PARD3: variants seen among roughly 807,000 people sequenced by gnomAD.
PARD3 encodes partitioning defective 3 homolog.
In PARD3, 75 loss-of-function variants were observed where a neutral mutation model predicts 155.4. The ratio of observed to expected loss-of-function variants is 0.48; its 90% CI spans 0.40 to 0.58. The LOEUF (loss-of-function observed/expected upper bound fraction) is 0.58, where lower values mean the gene tolerates loss of function less well. PARD3 is among the 20% of genes least tolerant of loss of function. The pLI, the probability that PARD3 is intolerant of heterozygous loss-of-function variation, is 0.00. For synonymous variants in PARD3, 576 were observed against 610.5 expected, an observed-to-expected ratio of 0.94 and a Z score of 0.83; for missense variants, 1,642 against 1,721.7, an observed-to-expected ratio of 0.95 and a Z score of 0.82.
intron 19 of PARD3, among the ~76,000 whole-genome samples, chr10:34,326,990 A>C (rs1320930788): frequency 6.6e-6 from 1 of 152,264 alleles, no homozygotes; most frequent in East Asian, 1.9e-4. Context: ...CTTAACAAAA[A>C]GCTGTTACAA....
At chr10:34,177,819 GT>G (rs1226035897) in intron 22 of PARD3, among the ~76,000 whole-genome samples, 1 of 152,230 alleles carries the variant, frequency 6.6e-6, no homozygotes, top group Non-Finnish European at 1.5e-5. Context: ...ACACCAGAAA[GT>G]GGGGGTCCTC....
chr10:34,808,211 G>A (rs939787768), intron 1 of PARD3, among the ~76,000 whole-genome samples: 1 of 152,114 alleles, frequency 6.6e-6, no homozygotes, highest in African/African-American at 2.4e-5. Context: ...CTACTTGGGG[G>A]ACTGAGGCAG....
chr10:34,157,269 G>A (rs1193672939), intron 22 of PARD3, among the ~76,000 whole-genome samples: 1 of 152,180 alleles, frequency 6.6e-6, no homozygotes, highest in Non-Finnish European at 1.5e-5. Context: ...ACACATCTGA[G>A]TGCCCTCTGT....
chr10:34,516,996 G>T lies in PARD3; in HGVS notation c.386C>A (p.Pro129His), dbSNP rs758300118. 6.2e-7 allele frequency: 1 copy of T among 1,614,136 alleles called. No homozygotes were observed. The change falls in exon 3 of 25, where the codon CCT becomes CAT. Residue 129 changes from proline to histidine, a missense_variant. Around this residue, in one of 3 missense-constraint regions of PARD3, gnomAD observed 1,529 missense variants for 1,587.3 expected, o/e 0.96. Coordinates refer to ENST00000374788, the MANE Select transcript of PARD3 (RefSeq NM_001184785.2). ...TCACTTACTTGCTCGAAGGACTGAA[G>T]GTGTGACCTCAATTTCACTTGTTGC... ...YQATSEIEVT[P>H]SVLRANMPLH... is the part of the protein sequence containing the mutation.
intron 2 of PARD3, among the ~76,000 whole-genome samples, chr10:34,690,208 G>A (rs1019091606): frequency 6.6e-6 from 1 of 152,080 alleles, no homozygotes. Flanking sequence ...CCTCCCAAAG[G>A]GCTGAGATTA....
chr10:34,448,918 C>CT (rs751029992), intron 5 of PARD3, among the ~76,000 whole-genome samples: 17,208 of 133,736 alleles, frequency 0.13, 3,872 homozygotes, highest in African/African-American at 0.46. Context: ...GATAAATTAT[C>CT]TTTTTTTTTT....
At chr10:34,434,004 G>A (rs1225377322) in intron 5 of PARD3, among the ~76,000 whole-genome samples, 2 of 152,176 alleles carry the variant, frequency 1.3e-5, no homozygotes, top group African/African-American at 4.8e-5. Flanking sequence ...GAAAGTGCAA[G>A]GATGGGAAAG....
intron 4 of PARD3, among the ~76,000 whole-genome samples, chr10:34,454,251 C>A (rs1372254227): frequency 6.6e-6 from 1 of 152,064 alleles, no homozygotes; most frequent in Non-Finnish European, 1.5e-5. Context: ...GTATCAAGTG[C>A]ATACAAGGAC....
At chr10:34,414,828 TA>T (rs34139593) in intron 5 of PARD3, among the ~76,000 whole-genome samples, 39,198 of 151,182 alleles carry the variant, frequency 0.26, 5,838 homozygotes, top group East Asian at 0.44. Context: ...AGAAAACAAA[TA>T]AAAAAAATTA....
intron 9 of PARD3, among the ~76,000 whole-genome samples, chr10:34,378,607 A>G (rs75168315): frequency 0.016 from 2,440 of 152,310 alleles, 66 homozygotes; most frequent in African/African-American, 0.056. Flanking sequence ...GGAACCTCCC[A>G]AAATCATAAT....
intron 20 of PARD3, among the ~76,000 whole-genome samples, chr10:34,313,634 A>G (rs1382338392): frequency 6.6e-6 from 1 of 152,146 alleles, no homozygotes; most frequent in Non-Finnish European, 1.5e-5. Context: ...ATATCTACTC[A>G]AGGTACCATC....
chr10:34,671,822 G>A (rs1483594693), intron 2 of PARD3, among the ~76,000 whole-genome samples: 1 of 151,938 alleles, frequency 6.6e-6, no homozygotes, highest in Non-Finnish European at 1.5e-5. Flanking sequence ...AAAAGAAGTA[G>A]GTCATGAATT....
At chr10:34,782,314 C>T (rs935560267) in intron 1 of PARD3, among the ~76,000 whole-genome samples, 1 of 152,158 alleles carries the variant, frequency 6.6e-6, no homozygotes, top group African/African-American at 2.4e-5. Flanking sequence ...CCAGCCTCCT[C>T]CACTGGGCGC....
At chr10:34,174,447 G>T (rs2133144161) in intron 22 of PARD3, among the ~76,000 whole-genome samples, 1 of 152,288 alleles carries the variant, frequency 6.6e-6, no homozygotes, top group South Asian at 2.1e-4. Context: ...CTACAGAAAA[G>T]AAATGCTTGT....
intron 22 of PARD3, among the ~76,000 whole-genome samples, chr10:34,145,223 T>TTTTTTTTTTA (rs1948442960): frequency 4.0e-4 from 25 of 61,748 alleles, no homozygotes; most frequent in African/African-American, 2.4e-3. Context: ...ATATATATAT[T>TTTTTTTTTTA]TTTTTTTTTT....
chr10:34,789,531 C>G (rs986708819), intron 1 of PARD3, among the ~76,000 whole-genome samples: 8 of 150,948 alleles, frequency 5.3e-5, no homozygotes, highest in African/African-American at 2.0e-4. Flanking sequence ...GACCCTGTCT[C>G]TACAAAAAAA....
intron 3 of PARD3, among the ~76,000 whole-genome samples, chr10:34,508,543 G>GA (rs11443215): frequency 0.027 from 4,029 of 148,868 alleles, 176 homozygotes; most frequent in African/African-American, 0.093. Flanking sequence ...GGAACTGAAG[G>GA]AAAAAAAAAA....
chr10:34,540,358 A>G (rs953538639), intron 2 of PARD3, among the ~76,000 whole-genome samples: 4 of 152,114 alleles, frequency 2.6e-5, no homozygotes, highest in African/African-American at 9.7e-5. Context: ...CAAACATAGT[A>G]TCTGCTATAC....
intron 4 of PARD3, among the ~76,000 whole-genome samples, chr10:34,469,150 G>T (rs935674582): frequency 6.6e-6 from 1 of 152,138 alleles, no homozygotes; most frequent in Non-Finnish European, 1.5e-5. Context: ...TCACTCTGTC[G>T]CCCAGGCTAG....
Sources: allele counts gnomAD v4.1 joint callset (sites outside exome capture counted in the v4.1 genomes callset), GRCh38; gene constraint gnomAD v4.1.1; regional missense constraint gnomAD v4.1.1; transcripts MANE v1.5; gene names NCBI Gene and HGNC (gene_info 2026-07-23, HGNC 2026-07-21).